Variants in RNLS observed in about 807,000 individuals in gnomAD.
The protein encoded by RNLS is renalase, FAD dependent amine oxidase, also known as renalase.
A neutral mutation model predicts 39.8 loss-of-function variants in RNLS; 39 were observed. The observed-to-expected ratio is 0.98, with a 90% CI of 0.76 to 1.28. RNLS has a LOEUF of 1.28. Among genes scored for constraint, RNLS ranks in the 50% most tolerant of loss-of-function variants. The pLI, the probability that RNLS is intolerant of heterozygous loss-of-function variation, is 0.00. For synonymous variants in RNLS, 147 were observed against 150.7 expected (o/e 0.98, Z 0.18); for missense variants, 410 against 413.3 (o/e 0.99, Z 0.07).
chr10:88,378,213 A>C (rs1408091378), intron 4 of RNLS, among the ~76,000 whole-genome samples: 1 of 152,164 alleles, frequency 6.6e-6, no homozygotes. Context: ...CTAACTAAAA[A>C]AAAAATAAGT....
At chr10:88,379,432 T>G (rs1000418930) in intron 4 of RNLS, among the ~76,000 whole-genome samples, 8 of 2,412 alleles carry the variant, frequency 3.3e-3, no homozygotes, top group African/African-American at 0.016. Flanking sequence ...TTTCAAATGA[T>G]TTTTTTTTTC....
At chr10:88,419,380 T>G (rs1375899262) in intron 4 of RNLS, among the ~76,000 whole-genome samples, 1 of 152,178 alleles carries the variant, frequency 6.6e-6, no homozygotes, top group African/African-American at 2.4e-5. Flanking sequence ...GCCAGAAGAC[T>G]AGTCTATCAG....
At chr10:88,379,753 G>C (rs1851302962) in intron 4 of RNLS, among the ~76,000 whole-genome samples, 1 of 152,178 alleles carries the variant, frequency 6.6e-6, no homozygotes, top group Admixed American at 6.5e-5. Flanking sequence ...AGTCATAAAA[G>C]ATGATACAAC....
chr10:88,472,289 T>G (rs557851865), intron 4 of RNLS, among the ~76,000 whole-genome samples: 3 of 151,886 alleles, frequency 2.0e-5, no homozygotes, highest in African/African-American at 7.2e-5. Flanking sequence ...AGAAGGAAAT[T>G]AAGGGGAAAA....
At chr10:88,296,811 A>G (rs1404828174) in intron 6 of RNLS, among the ~76,000 whole-genome samples, 2 of 152,128 alleles carry the variant, frequency 1.3e-5, no homozygotes, top group Non-Finnish European at 2.9e-5. Flanking sequence ...CTTATGCCCC[A>G]CTGCAGTTAA....
intron 4 of RNLS, among the ~76,000 whole-genome samples, chr10:88,469,542 T>C (rs549214117): frequency 6.6e-6 from 1 of 152,304 alleles, no homozygotes; most frequent in African/African-American, 2.4e-5. Flanking sequence ...AAGTGTTATA[T>C]AGTTGCACAA....
chr10:88,379,084 T>C (rs1000366657), intron 4 of RNLS, among the ~76,000 whole-genome samples: 2 of 152,256 alleles, frequency 1.3e-5, no homozygotes, highest in Non-Finnish European at 2.9e-5. Flanking sequence ...CAATGCATTT[T>C]GCTCTGGCAT....
intron 4 of RNLS, among the ~76,000 whole-genome samples, chr10:88,400,724 A>G (rs1852860520): frequency 6.6e-6 from 1 of 151,956 alleles, no homozygotes; most frequent in African/African-American, 2.4e-5. Context: ...TTTATTATTG[A>G]TGTGCCATTT....
the RNLS span, among the ~76,000 whole-genome samples, chr10:88,173,170 G>C: frequency 4.6e-5 from 7 of 151,946 alleles, no homozygotes; most frequent in Non-Finnish European, 8.8e-5. Flanking sequence ...GTGGATTTTT[G>C]TATATGGTGA....
chr10:88,395,237 A>G (rs1589721848), intron 4 of RNLS, among the ~76,000 whole-genome samples: 3 of 15,764 alleles, frequency 1.9e-4, no homozygotes, highest in South Asian at 3.6e-3. Context: ...TTAAAAGATG[A>G]AAAAAAAAAA....
chr10:88,583,262 G>A lies in RNLS; in HGVS notation c.-72C>T, dbSNP rs1564925224. 1 of 1,584,470 alleles carries A rather than the reference G, an allele frequency of 6.3e-7. No individual in the cohort carries two copies. Among genetic ancestry groups the A allele is most frequent in the Non-Finnish European group, 8.5e-7 (1 of 1,169,926 alleles). Reference sequence around the variant, plus strand: ...TTCGGCCCGGGCTTTCTGGAAAGGCGGCCGAACCGGCGCTAGCGCTCTTTG... The same window carrying A: ...TTCGGCCCGGGCTTTCTGGAAAGGCAGCCGAACCGGCGCTAGCGCTCTTTG... On this transcript the variant is annotated 5_prime_UTR_variant, in exon 1 of 7. Coordinates refer to ENST00000331772, the MANE Select transcript of RNLS (RefSeq NM_001031709.3).
At chr10:88,171,748 A>G in the RNLS span, among the ~76,000 whole-genome samples, 2 of 152,204 alleles carry the variant, frequency 1.3e-5, no homozygotes, top group Non-Finnish European at 2.9e-5. Flanking sequence ...ATTGTTAACT[A>G]TAATCACCCT....
chr10:88,420,946 C>G (rs1031674567), intron 4 of RNLS, among the ~76,000 whole-genome samples: 2 of 152,236 alleles, frequency 1.3e-5, no homozygotes, highest in Non-Finnish European at 2.9e-5. Context: ...AGAGAGGGCC[C>G]AAAGGGCCCC....
the RNLS span, among the ~76,000 whole-genome samples, chr10:88,266,809 A>G: frequency 0.094 from 14,225 of 151,746 alleles, 894 homozygotes; most frequent in East Asian, 0.24. Flanking sequence ...GCCAGCATGT[A>G]CATCACTCAG....
chr10:88,214,910 C>G, the RNLS span, among the ~76,000 whole-genome samples: 1 of 152,086 alleles, frequency 6.6e-6, no homozygotes, highest in Non-Finnish European at 1.5e-5. Flanking sequence ...TGTACAAAAT[C>G]TTATATTTGA....
intron 5 of RNLS, among the ~76,000 whole-genome samples, chr10:88,332,798 G>A (rs923975453): frequency 2.0e-5 from 3 of 152,180 alleles, no homozygotes; most frequent in African/African-American, 4.8e-5. Flanking sequence ...AAGTAAAAAA[G>A]TGTGTGGTTT....
At chr10:88,392,194 G>C (rs2133583873) in intron 4 of RNLS, among the ~76,000 whole-genome samples, 1 of 152,368 alleles carries the variant, frequency 6.6e-6, no homozygotes. Context: ...GTACATAAGA[G>C]TTGAAGCAAA....
chr10:88,352,098 T>C (rs921504780), intron 5 of RNLS, among the ~76,000 whole-genome samples: 1 of 152,312 alleles, frequency 6.6e-6, no homozygotes, highest in South Asian at 2.1e-4. Context: ...GGAGATTTTG[T>C]GGTGAGATGA....
rs200219383 is a variant in RNLS, at chr10:88,435,439, AC to A, written c.527-72715del. On this transcript the variant is annotated intron_variant, in intron 4 of 6. Coordinates refer to ENST00000331772, the MANE Select transcript of RNLS (RefSeq NM_001031709.3). ...CAAATTACCAAATATTTGGGGGTAA[AC>A]CAAAAACATTAAAAAAATAAAAAAA... is the stretch of plus-strand genomic sequence containing the variant. Among the ~76,000 whole-genome samples, 47 of 152,248 alleles carry A rather than the reference AC, an allele frequency of 3.1e-4. No individual in the cohort carries two copies. The East Asian group carries it at 8.7e-3, about 28-fold the overall frequency.
Sources: allele counts gnomAD v4.1 joint callset (sites outside exome capture counted in the v4.1 genomes callset), GRCh38; gene constraint gnomAD v4.1.1; transcripts MANE v1.5; gene names NCBI Gene and HGNC (gene_info 2026-07-23, HGNC 2026-07-21).